CCND2: variants seen among roughly 807,000 people sequenced by gnomAD.
The protein encoded by CCND2 is cyclin D2.
A neutral mutation model predicts 30.2 loss-of-function variants in CCND2; 6 were observed. The ratio of observed to expected loss-of-function variants is 0.20; its 90% CI spans 0.11 to 0.39. The LOEUF (loss-of-function observed/expected upper bound fraction) is 0.39. Ranked by LOEUF, CCND2 falls within the 10% of genes least tolerant of loss-of-function variation. The probability of loss-of-function intolerance (pLI) is 1.00; values close to 1 mark genes in which losing one functional copy is unlikely to be tolerated. For synonymous variants in CCND2, 150 were observed against 153.1 expected (o/e 0.98, Z 0.15); for missense variants, 235 against 373.4 (o/e 0.63, Z 3.06).
At chr12:4,292,705 T>G (rs535301692) in intron 4 of CCND2, among the ~76,000 whole-genome samples, 19 of 152,130 alleles carry the variant, frequency 1.2e-4, no homozygotes, top group Non-Finnish European at 2.4e-4. Context: ...TTTAAATACT[T>G]TTTCCTTCCA....
chr12:4,298,237 T>G (rs192001610), intron 4 of CCND2, among the ~76,000 whole-genome samples: 1 of 152,206 alleles, frequency 6.6e-6, no homozygotes, highest in Non-Finnish European at 1.5e-5. Flanking sequence ...CCTCATTTCA[T>G]TGTTCCAGGT....
In CCND2 at chr12:4,301,382, T is replaced by G; in HGVS notation, c.*1373T>G. The G allele has an allele frequency of 4.3e-6, 1 of 233,404 alleles. No individual in the cohort carries two copies. The highest frequency in any genetic ancestry group is 8.5e-6 in the Non-Finnish European group (1 of 118,024). 14.5% of individuals were successfully genotyped at this position (233,404 alleles called of 1,614,324 possible). Reference sequence around the variant, plus strand: ...TTTTTTTTTTATTGTTGTTGTTAATTTTATTGCAAAGTTGTATTCAGCGTA... The same window carrying G: ...TTTTTTTTTTATTGTTGTTGTTAATGTTATTGCAAAGTTGTATTCAGCGTA... On this transcript the variant is annotated 3_prime_UTR_variant, in exon 5 of 5. Transcript: ENST00000261254.
In CCND2 at chr12:4,276,875, T is replaced by C. The variant is rs1264620818; in HGVS notation, c.411+655T>C. 6.6e-6 allele frequency among the ~76,000 whole-genome samples: 1 copy of C among 152,178 alleles called. No individual in the cohort carries two copies. The highest frequency in any genetic ancestry group is 1.5e-5 in the Non-Finnish European group (1 of 68,038). On this transcript the variant is annotated intron_variant, in intron 2 of 4. Transcript: ENST00000261254. The surrounding 1 kb of genome is among the most constrained non-coding windows in gnomAD (Gnocchi z 4.8). ...GAACCTTTTTCCCACCTGATCTAAC[T>C]CCTTTTCCCTGCAGCTTGACATATA...
chr12:4,282,943 A>G lies in CCND2; in HGVS notation c.571+4024A>G, dbSNP rs556975830. Among the ~76,000 whole-genome samples the G allele has an allele frequency of 5.3e-5, 8 of 152,274 alleles. No individual in the cohort carries two copies. The highest frequency in any genetic ancestry group is 1.7e-4 in the African/African-American group (7 of 41,564). ...GCAGGTTGGAGAAGAGAGATGGGGA[A>G]AGCCTGACCTGGCCTTCCCTTTCTT... On this transcript the variant is annotated intron_variant, in intron 3 of 4. Transcript: ENST00000261254. The surrounding 1 kb of genome is among the most constrained non-coding windows in gnomAD (Gnocchi z 4.3).
At chr12:4,288,641 G>A (rs1196234949) in intron 3 of CCND2, among the ~76,000 whole-genome samples, 3 of 152,122 alleles carry the variant, frequency 2.0e-5, no homozygotes, top group South Asian at 2.1e-4. Flanking sequence ...AGTCTCCTTC[G>A]TTTAATCTGG....
chr12:4,278,404 A>G (rs558389209), intron 2 of CCND2, among the ~76,000 whole-genome samples: 1 of 152,276 alleles, frequency 6.6e-6, no homozygotes, highest in African/African-American at 2.4e-5. Context: ...CCTTGGCCGT[A>G]TCTCATTGTA....
chr12:4,286,678 C>T (rs1864027037), intron 3 of CCND2, among the ~76,000 whole-genome samples: 1 of 152,254 alleles, frequency 6.6e-6, no homozygotes, highest in African/African-American at 2.4e-5. Context: ...TGAAAATCTT[C>T]TTAGTAAAAC....
chr12:4,277,049 A>G (rs1330060522), intron 2 of CCND2, among the ~76,000 whole-genome samples: 1 of 152,122 alleles, frequency 6.6e-6, no homozygotes, highest in Non-Finnish European at 1.5e-5. Flanking sequence ...CACAAAGTCC[A>G]CAGGGCTGAG....
At chr12:4,277,498 ATCT>A (rs1863890710) in intron 2 of CCND2, among the ~76,000 whole-genome samples, 1 of 152,396 alleles carries the variant, frequency 6.6e-6, no homozygotes, top group Middle Eastern at 3.4e-3. Flanking sequence ...AGGAAAAATC[ATCT>A]TCATATGGTT....
chr12:4,292,960 C>T (rs539284476), intron 4 of CCND2, among the ~76,000 whole-genome samples: 3 of 152,166 alleles, frequency 2.0e-5, no homozygotes, highest in African/African-American at 7.2e-5. Flanking sequence ...TTGAATAAGG[C>T]CCAGCTTTTC....
chr12:4,294,140 C>T (rs1023455198), intron 4 of CCND2, among the ~76,000 whole-genome samples: 3 of 152,032 alleles, frequency 2.0e-5, no homozygotes, highest in African/African-American at 7.2e-5. Flanking sequence ...GTAGGAGTTC[C>T]GTCAGCCCAT....
chr12:4,274,137 A>G lies in CCND2; in HGVS notation c.97A>G (p.Ile33Val), dbSNP rs956736880. 1 of 1,614,084 alleles carries G rather than the reference A, an allele frequency of 6.2e-7. No individual in the cohort carries two copies. The highest frequency in any genetic ancestry group is 8.5e-7 in the Non-Finnish European group (1 of 1,179,964). The change falls in exon 1 of 5, where the codon ATC becomes GTC. Residue 33 changes from isoleucine (I) to valine (V), a missense_variant. This residue lies in a region of CCND2 where 178 missense variants were observed against 322.8 expected (regional missense o/e 0.55). Coordinates refer to ENST00000261254, the MANE Select transcript of CCND2 (RefSeq NM_001759.4). This position sits in a 1 kb window ranked among gnomAD's most constrained non-coding sequence, Gnocchi z 7.7. ...CCGCGTCCTGCAGAACCTGCTCACC[A>G]TCGAGGAGCGCTACCTTCCGCAGTG... ...DDRVLQNLLT[I>V]EERYLPQCSY...
rs1430887441 is a variant in CCND2 at position 4,293,930 on chromosome 12, T to C, written c.720+4940T>C. On this transcript the variant is annotated intron_variant, in intron 4 of 4. Transcript: ENST00000261254. This position sits in a 1 kb window ranked among gnomAD's most constrained non-coding sequence, Gnocchi z 4.9. ...GGGGCTGATGCCTCCCTCTCCTGCC[T>C]CATTTTTCTGTGGGCCTCATTTGGT... 6.6e-6 allele frequency among the ~76,000 whole-genome samples: 1 copy of C among 152,130 alleles called. No individual in the cohort carries two copies. The highest frequency in any genetic ancestry group is 1.5e-5 in the Non-Finnish European group (1 of 68,022).
chr12:4,302,678 G>A lies in CCND2; in HGVS notation c.*2669G>A, dbSNP rs3217928. 1.7e-4 allele frequency: 39 copies of A among 233,300 alleles called. No homozygotes were observed. Among genetic ancestry groups the A allele is most frequent in the Admixed American group, 3.4e-4 (6 of 17,800 alleles). The allele number at this position is 233,300 out of a possible 1,614,324, so 14.5% of individuals were successfully genotyped here. On this transcript the variant is annotated 3_prime_UTR_variant, in exon 5 of 5. Coordinates refer to ENST00000261254, the MANE Select transcript of CCND2 (RefSeq NM_001759.4). ...GTCGGGTTTTCAATCACACTGAATT[G>A]GCAGGATAAGAAAAATAGGTCAGAT...
chr12:4,278,975 C>G (rs1863911525), intron 3 of CCND2, 56 bp downstream of exon 3: 1 of 1,543,506 alleles, frequency 6.5e-7, no homozygotes. Flanking sequence ...GGGAGATGTC[C>G]GGGGAGAGGC....
Position 4,301,105 on chromosome 12 carries a change from A to G in CCND2, c.*1096A>G, listed in dbSNP as rs1278134264. On this transcript the variant is annotated 3_prime_UTR_variant, in exon 5 of 5. Coordinates refer to ENST00000261254, the MANE Select transcript of CCND2 (RefSeq NM_001759.4). ...GTCTGGGTTACTCTTCGCTTCTGGT[A>G]TCTGGCGTTCTTTGGTACACAGTTC... 20 of 232,938 alleles carry G rather than the reference A, an allele frequency of 8.6e-5. No individual in the cohort carries two copies. The highest frequency in any genetic ancestry group is 1.7e-4 in the Non-Finnish European group (20 of 117,890). 14.4% of individuals were successfully genotyped at this position (232,938 alleles called of 1,614,324 possible). A position where few individuals can be genotyped will look rare whatever the true frequency, so the allele number is the denominator to read the frequency against.
chr12:4,273,918 C>T lies in CCND2; in HGVS notation c.-123C>T. The T allele has an allele frequency of 1.1e-6, 1 of 932,208 alleles. No individual in the cohort carries two copies. The highest frequency in any genetic ancestry group is 2.8e-5 in the Admixed American group (1 of 36,362). 57.7% of individuals were successfully genotyped at this position (932,208 alleles called of 1,614,324 possible). ...TGCCCTCACCTCTCCCCCGAAAACC[C>T]CCTATTTAGCCAAAGGAAGGAGGTC... On this transcript the variant is annotated 5_prime_UTR_variant, in exon 1 of 5. Coordinates refer to ENST00000261254, the MANE Select transcript of CCND2 (RefSeq NM_001759.4). The surrounding 1 kb of genome is among the most constrained non-coding windows in gnomAD (Gnocchi z 5.9).
chr12:4,297,678 C>A (rs1864193226), intron 4 of CCND2: 2 of 212,376 alleles, frequency 9.4e-6, no homozygotes, highest in South Asian at 1.2e-4. Context: ...GCCACATGGT[C>A]CTTGAGGGAA....
In CCND2 at chr12:4,299,798, C is replaced by T. The variant is rs3217920; in HGVS notation, c.721-62C>T. 1.7e-5 allele frequency: 26 copies of T among 1,490,222 alleles called. No homozygotes were observed. The East Asian group carries it at 4.8e-4, about 28-fold the overall frequency. The allele number at this position is 1,490,222 out of a possible 1,614,324, so 92.3% of individuals were successfully genotyped here. A position where few individuals can be genotyped will look rare whatever the true frequency, so the allele number is the denominator to read the frequency against. ...GCAAGCTAAATTACGCATGTTTTCT[C>T]CGTAGGATGCTCTATGTCCTGTTCC... On this transcript the variant is annotated intron_variant, in intron 4 of 4. Transcript: ENST00000261254. The surrounding 1 kb of genome is among the most constrained non-coding windows in gnomAD (Gnocchi z 5.2).
Sources: allele counts gnomAD v4.1 joint callset (sites outside exome capture counted in the v4.1 genomes callset), GRCh38; gene constraint gnomAD v4.1.1; regional missense constraint gnomAD v4.1.1; non-coding constraint Gnocchi (gnomAD v3.1); transcripts MANE v1.5; gene names NCBI Gene and HGNC (gene_info 2026-07-23, HGNC 2026-07-21).